The following MACROD2 variants were observed in gnomAD, a reference collection of about 807,000 sequenced individuals.
MACROD2 encodes the protein mono-ADP ribosylhydrolase 2, also known as ADP-ribose glycohydrolase MACROD2.
Under a neutral mutation model 70.4 loss-of-function variants are expected in MACROD2, and 36 were observed. The observed-to-expected ratio is 0.51, with a 90% CI of 0.39 to 0.68. The LOEUF (loss-of-function observed/expected upper bound fraction) is 0.68, where lower values mean the gene tolerates loss of function less well. MACROD2 is among the 30% of genes least tolerant of loss of function. The probability of loss-of-function intolerance (pLI) is 0.00; values close to 1 mark genes in which losing one functional copy is unlikely to be tolerated. For synonymous variants in MACROD2, 172 were observed against 178.8 expected (o/e 0.96, Z 0.30); for missense variants, 496 against 538.4 (o/e 0.92, Z 0.78).
At chr20:14,313,549 G>C (rs966983370) in intron 3 of MACROD2, among the ~76,000 whole-genome samples, 3 of 151,712 alleles carry the variant, frequency 2.0e-5, no homozygotes, top group Non-Finnish European at 4.4e-5. Flanking sequence ...GCAGAAAAAT[G>C]TGTGAAATTT....
At chr20:15,666,840 C>T (rs373348778) in intron 8 of MACROD2, among the ~76,000 whole-genome samples, 3 of 152,090 alleles carry the variant, frequency 2.0e-5, no homozygotes, top group African/African-American at 7.2e-5. Flanking sequence ...AGCACGCCCA[C>T]CTTTACAGTT....
chr20:15,591,752 G>A (rs1221125558), intron 8 of MACROD2, among the ~76,000 whole-genome samples: 1 of 151,982 alleles, frequency 6.6e-6, no homozygotes, highest in Non-Finnish European at 1.5e-5. Context: ...GGACCTATTT[G>A]GTGGCTAATT....
At position 14,657,871 on chromosome 20, in the gene MACROD2, A is replaced by G. The variant is rs565500033; in HGVS notation, c.302-26972A>G. On this transcript the variant is annotated intron_variant, in intron 4 of 17. Coordinates refer to ENST00000684519, the MANE Select transcript of MACROD2 (RefSeq NM_001351661.2). ...CTGTAAGAACTTGCTTCTGACTTCTAAGTCACACTCATTTTGATAAGCAGA... is the reference window on the plus strand; with the variant it reads ...CTGTAAGAACTTGCTTCTGACTTCTGAGTCACACTCATTTTGATAAGCAGA... Among the ~76,000 whole-genome samples, 4 of 152,260 alleles carry G rather than the reference A, an allele frequency of 2.6e-5. No homozygotes were observed. The South Asian group carries it at 8.3e-4, about 32-fold the overall frequency.
chr20:14,188,716 A>C (rs1226477432), intron 3 of MACROD2, among the ~76,000 whole-genome samples: 1 of 152,170 alleles, frequency 6.6e-6, no homozygotes, highest in Non-Finnish European at 1.5e-5. Context: ...TTTTTTAACA[A>C]ATAAGGCAGT....
At chr20:14,219,120 A>C (rs1370475368) in intron 3 of MACROD2, among the ~76,000 whole-genome samples, 4 of 152,170 alleles carry the variant, frequency 2.6e-5, no homozygotes, top group Non-Finnish European at 4.4e-5. Context: ...TTATTCCCCC[A>C]AATATGTTTT....
chr20:14,182,304 T>C (rs2081311140), intron 3 of MACROD2, among the ~76,000 whole-genome samples: 1 of 152,208 alleles, frequency 6.6e-6, no homozygotes, highest in African/African-American at 2.4e-5. Context: ...TTCAAATTCT[T>C]TACCCATTTT....
At chr20:15,388,225 T>C (rs1459157877) in intron 6 of MACROD2, among the ~76,000 whole-genome samples, 1 of 151,802 alleles carries the variant, frequency 6.6e-6, no homozygotes, top group Non-Finnish European at 1.5e-5. Context: ...GTAAACAGTG[T>C]GTGCAAATGG....
chr20:15,047,588 G>A (rs2123043060), intron 5 of MACROD2, among the ~76,000 whole-genome samples: 1 of 152,280 alleles, frequency 6.6e-6, no homozygotes, highest in Non-Finnish European at 1.5e-5. Flanking sequence ...GAGAACTTGA[G>A]TTAGAGGCTT....
intron 3 of MACROD2, among the ~76,000 whole-genome samples, chr20:14,387,695 C>T (rs1386576814): frequency 2.0e-5 from 3 of 152,250 alleles, no homozygotes; most frequent in African/African-American, 7.2e-5. Flanking sequence ...TCTTATCTCC[C>T]TATGGCTGCC....
chr20:15,675,708 C>A (rs983234196), intron 8 of MACROD2, among the ~76,000 whole-genome samples: 1 of 152,042 alleles, frequency 6.6e-6, no homozygotes, highest in Non-Finnish European at 1.5e-5. Flanking sequence ...GACAGGTTTG[C>A]TAAAGGTTTG....
chr20:15,350,482 T>G (rs1174899253), intron 6 of MACROD2, among the ~76,000 whole-genome samples: 1 of 152,200 alleles, frequency 6.6e-6, no homozygotes, highest in East Asian at 1.9e-4. Context: ...CAAATTGATA[T>G]TAAATATTCC....
intron 5 of MACROD2, among the ~76,000 whole-genome samples, chr20:14,941,222 T>C (rs2074386749): frequency 6.6e-6 from 1 of 152,208 alleles, no homozygotes; most frequent in African/African-American, 2.4e-5. Context: ...TCAGTTGCTA[T>C]GTCTCCTTTT....
At chr20:14,176,058 G>A (rs1209954992) in intron 3 of MACROD2, among the ~76,000 whole-genome samples, 1 of 152,090 alleles carries the variant, frequency 6.6e-6, no homozygotes, top group East Asian at 1.9e-4. Context: ...TGTTACTAAC[G>A]GTTGTTAGCT....
At chr20:14,851,011 C>T (rs1413726265) in intron 5 of MACROD2, among the ~76,000 whole-genome samples, 4 of 152,012 alleles carry the variant, frequency 2.6e-5, no homozygotes, top group Non-Finnish European at 5.9e-5. Flanking sequence ...TGTGATAGGA[C>T]ATACCTTTTG....
chr20:14,749,671 C>G (rs1237312449), intron 5 of MACROD2, among the ~76,000 whole-genome samples: 1 of 152,190 alleles, frequency 6.6e-6, no homozygotes, highest in East Asian at 1.9e-4. Context: ...AAATTTTAAT[C>G]TAAATGATCT....
intron 5 of MACROD2, among the ~76,000 whole-genome samples, chr20:14,837,428 A>T (rs2073041464): frequency 6.6e-6 from 1 of 152,170 alleles, no homozygotes; most frequent in Middle Eastern, 3.4e-3. Flanking sequence ...ACACAACTCA[A>T]CATTTTAGTG....
At chr20:15,712,865 T>C (rs957846148) in intron 8 of MACROD2, among the ~76,000 whole-genome samples, 2 of 152,186 alleles carry the variant, frequency 1.3e-5, no homozygotes, top group African/African-American at 4.8e-5. Flanking sequence ...TATTTTCTGT[T>C]TTGACAATAA....
Position 14,925,068 on chromosome 20 carries a change from G to A in MACROD2, c.418+240109G>A, listed in dbSNP as rs961121073. Among the ~76,000 whole-genome samples, 26 of 151,624 alleles carry A rather than the reference G, an allele frequency of 1.7e-4. No individual in the cohort carries two copies. In the East Asian group the frequency reaches 2.9e-3, roughly 17 times the overall value. On this transcript the variant is annotated intron_variant, in intron 5 of 17. Transcript: ENST00000684519. ...TCATCAGGCAGGTGGTTGAAACTAC[G>A]TAATGCTTGTCTTTTATGGCCATTT...
chr20:14,890,982 CCTT>C (rs1568857355), intron 5 of MACROD2, among the ~76,000 whole-genome samples: 164 of 141,454 alleles, frequency 1.2e-3, no homozygotes, highest in African/African-American at 4.1e-3. Context: ...TTCCTTCCTT[CCTT>C]CCTTCCTCCC....
Sources: allele counts gnomAD v4.1 joint callset (sites outside exome capture counted in the v4.1 genomes callset), GRCh38; gene constraint gnomAD v4.1.1; transcripts MANE v1.5; gene names NCBI Gene and HGNC (gene_info 2026-07-23, HGNC 2026-07-21).